The following PER1 variants were observed in gnomAD, a reference collection of about 807,000 sequenced individuals.
PER1 encodes period circadian protein homolog 1.
A neutral mutation model predicts 125.9 loss-of-function variants in PER1; 87 were observed. That is an observed-to-expected ratio of 0.69 (90% CI 0.58 to 0.83). PER1 has a LOEUF of 0.83. Ranked by LOEUF, PER1 falls within the 40% of genes least tolerant of loss-of-function variation. The pLI, the probability that PER1 is intolerant of heterozygous loss-of-function variation, is 0.00. For synonymous variants in PER1, 801 were observed against 714.7 expected (o/e 1.12, Z -1.93); for missense variants, 1,775 against 1,722.8 (o/e 1.03, Z -0.54).
rs1300204734 is a variant in PER1 at position 8,147,128 on chromosome 17, A to AGGAAAAGGCAGGAAGGAGAG, written c.1629+102_1629+121dup. 8 of 1,411,048 alleles carry AGGAAAAGGCAGGAAGGAGAG rather than the reference A, an allele frequency of 5.7e-6. No individual in the cohort carries two copies. In the East Asian group the frequency reaches 1.7e-4, roughly 30 times the overall value. The allele number at this position is 1,411,048 out of a possible 1,614,324, so 87.4% of individuals were successfully genotyped here. A position where few individuals can be genotyped will look rare whatever the true frequency, so the allele number is the denominator to read the frequency against. ...ACGCCTTGATGGGAGCAGGACAAGA[A>AGGAAAAGGCAGGAAGGAGAG]GGAAAAGGCAGGAAGGAGAGGGCAA... On this transcript the variant is annotated intron_variant, in intron 13 of 22. Transcript: ENST00000317276.
rs755619615 is a variant in PER1, at chr17:8,147,615, C to A, written c.1389-37G>T. On this transcript the variant is annotated intron_variant, in intron 11 of 22. Transcript: ENST00000317276. Reference sequence around the variant, plus strand: ...AGAGTGAATCCAGCCCTGGCCCGGTCCTGTCCCCCACCGCACTGCCCTATC... The same window carrying A: ...AGAGTGAATCCAGCCCTGGCCCGGTACTGTCCCCCACCGCACTGCCCTATC... 7.4e-6 allele frequency: 12 copies of A among 1,613,294 alleles called. No individual in the cohort carries two copies. In the South Asian group the frequency reaches 1.3e-4, roughly 18 times the overall value.
In PER1 at chr17:8,147,431, CT is replaced by C. The variant is rs770593672; in HGVS notation, c.1497+38del. 5.1e-5 allele frequency: 82 copies of C among 1,612,822 alleles called. No individual in the cohort carries two copies. In the African/African-American group the frequency reaches 9.2e-4, roughly 18 times the overall value. ...GATGGCTTGACCCGGCTTCCCACACCTTTTCTCACCTCCCAGGCTCCCTCTC... is the reference window on the plus strand; with the variant it reads ...GATGGCTTGACCCGGCTTCCCACACCTTTCTCACCTCCCAGGCTCCCTCTC... On this transcript the variant is annotated intron_variant, in intron 12 of 22. Transcript: ENST00000317276.
chr17:8,147,946 A>C (rs1388406039), intron 10 of PER1, 51 bp downstream of exon 10: 1 of 1,586,250 alleles, frequency 6.3e-7, no homozygotes, highest in South Asian at 1.1e-5. Flanking sequence ...AAGGGCAGCC[A>C]CTCAAAAGCC....
chr17:8,149,163 T>C, intron 7 of PER1, 96 bp downstream of exon 7: 1 of 1,137,882 alleles, frequency 8.8e-7, no homozygotes, highest in Non-Finnish European at 1.3e-6. Context: ...CAGTCCAGCC[T>C]GGGTGACAGA....
In PER1 at chr17:8,148,024, G is replaced by C; in HGVS notation, c.1207C>G (p.Pro403Ala). 1 of 1,613,214 alleles carries C rather than the reference G, an allele frequency of 6.2e-7. No individual in the cohort carries two copies. Among genetic ancestry groups the C allele is most frequent in the Non-Finnish European group, 8.5e-7 (1 of 1,179,574 alleles). ...TTCTTGTGGATAGCCAGCATGAGGG[G>C]TCGGTCCTCAGGATGCAGGAACAGG... ...VLLFLHPEDR[P>A]LMLAIHKKIL... is the part of the protein sequence containing the mutation. Residue 403 changes from proline to alanine, a missense_variant, in exon 10 of 23, where the codon CCC (proline) becomes GCC (alanine). Pro to Ala is a conservative substitution (Grantham distance 27, BLOSUM62 -1). Coordinates refer to ENST00000317276, the MANE Select transcript of PER1 (RefSeq NM_002616.3).
chr17:8,145,044 C>G (rs1010032959), intron 17 of PER1, 51 bp from the exon 18 acceptor site: 2 of 1,415,770 alleles, frequency 1.4e-6, no homozygotes, highest in African/African-American at 2.9e-5. Context: ...CAGGGGTCAA[C>G]ACATCCATAC....
chr17:8,142,393 C>T lies in PER1; in HGVS notation c.3325G>A (p.Gly1109Arg), dbSNP rs540838050. The T allele has an allele frequency of 1.1e-5, 17 of 1,611,624 alleles. No homozygotes were observed. Among genetic ancestry groups the T allele is most frequent in the Non-Finnish European group, 1.4e-5 (17 of 1,179,100 alleles). The part of the protein sequence containing the change: ...GSIDSSEAEA[G>R]AARGGAEPGD... ...GGCTCAGCCCCGCCCCGAGCAGCCCCAGCCTCAGCCTCGGAAGAGTCGATG... is the reference window on the plus strand; with the variant it reads ...GGCTCAGCCCCGCCCCGAGCAGCCCTAGCCTCAGCCTCGGAAGAGTCGATG... Residue 1109 changes from glycine (G) to arginine (R), a missense_variant, in exon 21 of 23, where the codon GGG becomes AGG. Coordinates refer to ENST00000317276, the MANE Select transcript of PER1 (RefSeq NM_002616.3).
Position 8,149,557 on chromosome 17 carries a change from C to G in PER1, c.758G>C (p.Arg253Pro). ...CTGGGGAGCCAGGAGCTCAGAGAAG[C>G]GGGTACCCCGGAACACGTCCCGCTT... Reference protein sequence around the residue: ...RCKRDVFRGTRFSELLAPQDV... With the variant: ...RCKRDVFRGTPFSELLAPQDV... Residue 253 changes from arginine (R) to proline (P), a missense_variant, in exon 6 of 23, where the codon CGC becomes CCC. Physicochemically the swap from Arg to Pro is moderately radical, Grantham distance 103 (BLOSUM62 -2). Coordinates refer to ENST00000317276, the MANE Select transcript of PER1 (RefSeq NM_002616.3). 6.2e-7 allele frequency: 1 copy of G among 1,613,876 alleles called. No homozygotes were observed. The highest frequency in any genetic ancestry group is 2.2e-5 in the East Asian group (1 of 44,880).
In PER1 at chr17:8,144,737, C is replaced by T. The variant is rs751530587; in HGVS notation, c.2461+14G>A. On this transcript the variant is annotated intron_variant, in intron 18 of 22. Transcript: ENST00000317276. ...TGGGCAGAGGGCAGGCTCCAGGAGG[C>T]CCCAGGTGGCTACCTCGCTCGCCAA... 3.2e-6 allele frequency: 5 copies of T among 1,556,008 alleles called. No individual in the cohort carries two copies. The South Asian group carries it at 5.9e-5, about 18-fold the overall frequency.
At position 8,149,663 on chromosome 17, in the gene PER1, C is replaced by T. The variant is rs763211273; in HGVS notation, c.652G>A (p.Asp218Asn). 8.7e-6 allele frequency: 14 copies of T among 1,609,486 alleles called. No individual in the cohort carries two copies. The highest frequency in any genetic ancestry group is 3.3e-5 in the Admixed American group (2 of 59,958). The change falls in exon 6 of 23, where the codon GAT (aspartate) becomes AAT (asparagine). Residue 218 changes from aspartate (D) to asparagine (N), a missense_variant and splice_region_variant. Coordinates refer to ENST00000317276, the MANE Select transcript of PER1 (RefSeq NM_002616.3). Reference sequence around the variant, plus strand: ...AAGGAGACAGCCACTGAGAAGGTATCCTGGCAGGAGGGGGAGAGCAAGAGC... The same window carrying T: ...AAGGAGACAGCCACTGAGAAGGTATTCTGGCAGGAGGGGGAGAGCAAGAGC... ...ITSEYTLQNQ[D>N]TFSVAVSFLT...
chr17:8,146,558 G>A, intron 15 of PER1, 36 bp downstream of exon 15: 1 of 1,602,296 alleles, frequency 6.2e-7, no homozygotes, highest in East Asian at 2.2e-5. Context: ...GGCAGGGTTA[G>A]AGCCCGAGGT....
chr17:8,145,113 C>A, intron 17 of PER1, 120 bp from the exon 18 acceptor site: 1 of 1,119,928 alleles, frequency 8.9e-7, no homozygotes, highest in Non-Finnish European at 1.2e-6. Flanking sequence ...CACAGCCAAG[C>A]CTGGTCTCCA....
In PER1 at chr17:8,147,626, C is replaced by A. The variant is rs200769363; in HGVS notation, c.1388+48G>T. 8.7e-6 allele frequency: 14 copies of A among 1,613,470 alleles called. 2 individuals carry two copies. The South Asian group carries it at 1.4e-4, about 16-fold the overall frequency. The stretch of plus-strand genomic sequence containing the variant: ...AGCCCTGGCCCGGTCCTGTCCCCCA[C>A]CGCACTGCCCTATCCCCAACGCCAG... On this transcript the variant is annotated intron_variant, in intron 11 of 22. Coordinates refer to ENST00000317276, the MANE Select transcript of PER1 (RefSeq NM_002616.3).
chr17:8,143,329 G>C lies in PER1; in HGVS notation c.3009C>G (p.Gly1003=). 1 of 1,605,756 alleles carries C rather than the reference G, an allele frequency of 6.2e-7. No individual in the cohort carries two copies. The highest frequency in any genetic ancestry group is 8.5e-7 in the Non-Finnish European group (1 of 1,175,668). ...GTGGGGGCCCGGCACTGCTCCCAGG[G>C]CCTCCTGCAACAGCAGCCCCCTCAG... ...PRAEGAAVAG[G]PGSSAGPPPP... is the part of the protein sequence containing the mutation. Residue 1003 remains glycine, a synonymous_variant, in exon 19 of 23, where the codon GGC becomes GGG. Transcript: ENST00000317276.
At position 8,142,414 on chromosome 17, in the gene PER1, C is replaced by T. The variant is rs371070132; in HGVS notation, c.3304G>A (p.Asp1102Asn). Residue 1102 changes from aspartate (D) to asparagine (N), a missense_variant, in exon 21 of 23, where the codon GAC (aspartate) becomes AAC (asparagine). Coordinates refer to ENST00000317276, the MANE Select transcript of PER1 (RefSeq NM_002616.3). ...GCCCCAGCCTCAGCCTCGGAAGAGTCGATGCTGCCAAAGTATTTGCTTGTG... is the reference window on the plus strand; with the variant it reads ...GCCCCAGCCTCAGCCTCGGAAGAGTTGATGCTGCCAAAGTATTTGCTTGTG... ...SHTSKYFGSI[D>N]SSEAEAGAAR... 9 of 1,605,444 alleles carry T rather than the reference C, an allele frequency of 5.6e-6. No individual in the cohort carries two copies. The African/African-American group carries it at 8.1e-5, about 14-fold the overall frequency.
Position 8,141,240 on chromosome 17 carries a change from C to T in PER1, c.3701G>A (p.Gly1234Asp), listed in dbSNP as rs753011759. 1 of 1,614,210 alleles carries T rather than the reference C, an allele frequency of 6.2e-7. No individual in the cohort carries two copies. The highest frequency in any genetic ancestry group is 8.5e-7 in the Non-Finnish European group (1 of 1,180,040). ...ACCGCTGCTGCCCTGCTCGCCTCCA[C>T]CCTCTTCCATGGGCTCCAGCCCCAG... The part of the protein sequence containing the change: ...DGLGLEPMEE[G>D]GGEQGSSGGG... Residue 1234 changes from glycine to aspartate, a missense_variant, in exon 23 of 23, where the codon GGT becomes GAT. Coordinates refer to ENST00000317276, the MANE Select transcript of PER1 (RefSeq NM_002616.3).
At chr17:8,151,302 G>A (rs368249333) in intron 1 of PER1, among the ~76,000 whole-genome samples, 88 of 152,342 alleles carry the variant, frequency 5.8e-4, no homozygotes, top group African/African-American at 1.5e-3. Flanking sequence ...TTCCGCCGCC[G>A]CCACGGTCGC....
At position 8,144,754 on chromosome 17, in the gene PER1, G is replaced by A. The variant is rs1157424943; in HGVS notation, c.2458C>T (p.Arg820Ter). Residue 820 changes from arginine (R) to a stop codon, truncating the protein, a stop_gained, in exon 18 of 23, where the codon CGA becomes TGA. Transcript: ENST00000317276. LOFTEE classifies it high-confidence loss of function. The part of the protein sequence containing the change: ...SSTAPSALGE[R>*]GCHHGPAPPS... ...CCAGGAGGCCCCAGGTGGCTACCTCGCTCGCCAAGGGCTGAGGGAGCTGTG... is the reference window on the plus strand; with the variant it reads ...CCAGGAGGCCCCAGGTGGCTACCTCACTCGCCAAGGGCTGAGGGAGCTGTG... 6 of 1,566,512 alleles carry A rather than the reference G, an allele frequency of 3.8e-6. No homozygotes were observed. The highest frequency in any genetic ancestry group is 2.4e-5 in the East Asian group (1 of 42,270).
intron 1 of PER1, among the ~76,000 whole-genome samples, chr17:8,151,819 C>G (rs1982877937): frequency 6.6e-6 from 1 of 152,164 alleles, no homozygotes; most frequent in South Asian, 2.1e-4. Flanking sequence ...CTTTCTTCCC[C>G]TACTCCCCGT....
Sources: allele counts gnomAD v4.1 joint callset (sites outside exome capture counted in the v4.1 genomes callset), GRCh38; gene constraint gnomAD v4.1.1; transcripts MANE v1.5; gene names NCBI Gene and HGNC (gene_info 2026-07-23, HGNC 2026-07-21).